PRELID2: variants seen among roughly 807,000 people sequenced by gnomAD.
PRELID2 encodes the protein PRELI domain-containing protein 2.
A neutral mutation model predicts 28.4 loss-of-function variants in PRELID2; 25 were observed. That is an observed-to-expected ratio of 0.88 (90% confidence interval 0.64 to 1.23). PRELID2 has a LOEUF of 1.23. PRELID2 is among the 50% of genes most tolerant of loss of function. The probability of loss-of-function intolerance (pLI) is 0.00; values close to 1 mark genes in which losing one functional copy is unlikely to be tolerated. For synonymous variants in PRELID2, 76 were observed against 71.6 expected (o/e 1.06, Z -0.31); for missense variants, 201 against 214.4 (o/e 0.94, Z 0.39).
the PRELID2 span, among the ~76,000 whole-genome samples, chr5:145,454,815 T>C: frequency 5.9e-5 from 9 of 152,326 alleles, no homozygotes; most frequent in East Asian, 1.5e-3. Flanking sequence ...TGCCCACTTT[T>C]TGATGGGATT....
the PRELID2 span, among the ~76,000 whole-genome samples, chr5:145,346,847 A>G: frequency 6.6e-6 from 1 of 152,140 alleles, no homozygotes; most frequent in African/African-American, 2.4e-5. Flanking sequence ...CATGCCAGAA[A>G]GGAAGAACAT....
the PRELID2 span, among the ~76,000 whole-genome samples, chr5:145,350,272 T>C: frequency 2.0e-5 from 3 of 152,168 alleles, no homozygotes; most frequent in African/African-American, 4.8e-5. Flanking sequence ...AAAACATAAA[T>C]GAGGCATAGA....
chr5:145,785,248 A>G (rs150113516), intron 5 of PRELID2, among the ~76,000 whole-genome samples: 46 of 152,318 alleles, frequency 3.0e-4, no homozygotes, highest in Admixed American at 1.4e-3. Flanking sequence ...GAAAAGTGTG[A>G]CTTGTGGGAA....
At chr5:145,643,691 A>G (rs536574774) in intron 1 of PRELID2, among the ~76,000 whole-genome samples, 1 of 152,306 alleles carries the variant, frequency 6.6e-6, no homozygotes, top group African/African-American at 2.4e-5. Context: ...TGTTCCATCA[A>G]TACCTAGTTT....
At chr5:145,278,268 C>T in the PRELID2 span, among the ~76,000 whole-genome samples, 104 of 152,266 alleles carry the variant, frequency 6.8e-4, no homozygotes, top group African/African-American at 2.5e-3. Context: ...TTACCACCAA[C>T]TTAGCTGCTT....
At chr5:145,665,354 G>T (rs1236245768) in intron 1 of PRELID2, among the ~76,000 whole-genome samples, 1 of 152,012 alleles carries the variant, frequency 6.6e-6, no homozygotes, top group African/African-American at 2.4e-5. Context: ...TGCTAAATTG[G>T]AAAGGGGGGT....
At chr5:145,342,600 A>G in the PRELID2 span, among the ~76,000 whole-genome samples, 1 of 152,060 alleles carries the variant, frequency 6.6e-6, no homozygotes, top group Non-Finnish European at 1.5e-5. Flanking sequence ...ATATCTCACC[A>G]GTCTTCTTTA....
chr5:145,407,080 T>C, the PRELID2 span, among the ~76,000 whole-genome samples: 3 of 152,102 alleles, frequency 2.0e-5, no homozygotes, highest in African/African-American at 7.2e-5. Context: ...TTTCCTGAGC[T>C]GAAGCCAGGA....
intron 1 of PRELID2, among the ~76,000 whole-genome samples, chr5:145,534,541 G>A (rs1488203632): frequency 6.6e-6 from 1 of 152,094 alleles, no homozygotes; most frequent in East Asian, 1.9e-4. Context: ...CATGGGCTGT[G>A]GAGTAAGGCA....
intron 1 of PRELID2, among the ~76,000 whole-genome samples, chr5:145,521,746 C>T (rs1752564727): frequency 6.6e-6 from 1 of 152,108 alleles, no homozygotes; most frequent in African/African-American, 2.4e-5. Flanking sequence ...TAGTCACAGC[C>T]AGGTATCCTC....
chr5:145,820,102 T>G (rs542203222), intron 2 of PRELID2, 84 bp from the exon 3 acceptor site: 5 of 617,530 alleles, frequency 8.1e-6, no homozygotes, highest in Admixed American at 3.1e-5. Context: ...GGGGGTGGGG[T>G]TTTTTTGTTT....
At chr5:145,622,795 A>G (rs1753790387) in intron 1 of PRELID2, among the ~76,000 whole-genome samples, 1 of 152,044 alleles carries the variant, frequency 6.6e-6, no homozygotes, top group African/African-American at 2.4e-5. Flanking sequence ...AAGATAAACA[A>G]AAAAAGACAG....
the PRELID2 span, among the ~76,000 whole-genome samples, chr5:145,361,080 T>A: frequency 2.0e-5 from 3 of 152,192 alleles, no homozygotes; most frequent in African/African-American, 7.2e-5. Context: ...AAATGTTAAA[T>A]GATGATCTTA....
chr5:145,715,650 C>CT (rs1216512556), intron 1 of PRELID2, among the ~76,000 whole-genome samples: 1 of 152,172 alleles, frequency 6.6e-6, no homozygotes, highest in East Asian at 1.9e-4. Context: ...TCACTCACCA[C>CT]TGCCCATCCA....
At chr5:145,710,697 TTAACA>T (rs1456507294) in intron 1 of PRELID2, among the ~76,000 whole-genome samples, 1 of 152,236 alleles carries the variant, frequency 6.6e-6, no homozygotes, top group Non-Finnish European at 1.5e-5. Context: ...AGTGACACTC[TTAACA>T]TCACTGCCTG....
chr5:145,539,395 T>C (rs2126669909), intron 1 of PRELID2, among the ~76,000 whole-genome samples: 1 of 152,104 alleles, frequency 6.6e-6, no homozygotes, highest in Non-Finnish European at 1.5e-5. Flanking sequence ...CCAGACCTAT[T>C]ACATCAGAAT....
At chr5:145,328,444 C>T in the PRELID2 span, among the ~76,000 whole-genome samples, 20 of 152,304 alleles carry the variant, frequency 1.3e-4, no homozygotes, top group African/African-American at 4.8e-4. Flanking sequence ...TCTCCAGCAT[C>T]TGTTATTTCC....
At chr5:145,422,460 T>A in the PRELID2 span, among the ~76,000 whole-genome samples, 1 of 152,246 alleles carries the variant, frequency 6.6e-6, no homozygotes, top group South Asian at 2.1e-4. Flanking sequence ...GCTCTTCTTG[T>A]TGAATTGATC....
chr5:145,681,151 A>G (rs373100182), intron 1 of PRELID2, among the ~76,000 whole-genome samples: 51 of 152,304 alleles, frequency 3.3e-4, no homozygotes, highest in African/African-American at 1.2e-3. Context: ...GAAAAATGCT[A>G]TCCAGGGGCC....
Sources: gnomAD v4.1 joint callset for allele counts (sites outside exome capture counted in the v4.1 genomes callset) on GRCh38, gnomAD v4.1.1 for gene constraint, MANE v1.5 for transcripts, NCBI Gene and HGNC (gene_info 2026-07-23, HGNC 2026-07-21) for gene names.